The following DST variants were observed in gnomAD, a reference collection of about 807,000 sequenced individuals.
The protein encoded by DST is bullous pemphigoid antigen.
DST carries 253 observed loss-of-function variants against 875.2 expected under a neutral mutation model. The ratio of observed to expected loss-of-function variants is 0.29; its 90% confidence interval spans 0.26 to 0.32. DST has a LOEUF of 0.32. Ranked by LOEUF, DST falls within the 10% of genes least tolerant of loss-of-function variation. The probability of loss-of-function intolerance (pLI) is 1.00; values close to 1 mark genes in which losing one functional copy is unlikely to be tolerated. For synonymous variants in DST, 3,124 were observed against 3,197.1 expected, an observed-to-expected ratio of 0.98 and a Z score of 0.77; for missense variants, 8,287 against 9,111.6, an observed-to-expected ratio of 0.91 and a Z score of 3.68.
intron 4 of DST, among the ~76,000 whole-genome samples, chr6:56,839,129 C>G (rs1278337560): frequency 6.6e-6 from 1 of 152,158 alleles, no homozygotes; most frequent in Non-Finnish European, 1.5e-5. Context: ...GAACAGCTGT[C>G]CCCTGGAATG....
chr6:56,605,823 G>A lies in DST; in HGVS notation c.8805C>T (p.Gly2935=), dbSNP rs1431939343. 1 of 1,612,202 alleles carries A rather than the reference G, an allele frequency of 6.2e-7. No homozygotes were observed. ...IKDTESEKTF[G]PASISHDNNN... is the part of the protein sequence containing the mutation. ...TATTATCATGTGAAATACTTGCAGG[G>A]CCAAAAGTTTTTTCAGATTCAGTGT... The change falls in exon 40 of 104, where the codon GGC becomes GGT. Residue 2935 remains glycine (G), a synonymous_variant. Transcript: ENST00000680361.
chr6:56,729,556 G>A lies in DST; in HGVS notation c.687+5672C>T, dbSNP rs533110386. On this transcript the variant is annotated intron_variant, in intron 5 of 103. Coordinates refer to ENST00000680361, the MANE Select transcript of DST (RefSeq NM_001374736.1). The stretch of plus-strand genomic sequence containing the variant: ...GGGGAGGCAGAGGTTGCGGTGAGCC[G>A]AGATCGCACCATTGCACTCCAGCCT... 3.4e-5 allele frequency among the ~76,000 whole-genome samples: 5 copies of A among 148,660 alleles called. No individual in the cohort carries two copies. In the South Asian group the frequency reaches 6.4e-4, roughly 19 times the overall value.
In DST at chr6:56,886,916, AAAAT is replaced by A. The variant is rs1181934843; in HGVS notation, c.417+13501_417+13504del. Among the ~76,000 whole-genome samples the A allele has an allele frequency of 9.8e-5, 15 of 152,328 alleles. No homozygotes were observed. In the East Asian group the frequency reaches 2.7e-3, roughly 27 times the overall value. ...GAAACACAATCATCATCTCAGAACT[AAAAT>A]AAATAAATAAAGAGAGAGAGACAGA... On this transcript the variant is annotated intron_variant, in intron 3 of 103. Coordinates refer to ENST00000680361, the MANE Select transcript of DST (RefSeq NM_001374736.1).
chr6:56,703,125 C>T (rs1385178556), intron 7 of DST, among the ~76,000 whole-genome samples: 1 of 152,180 alleles, frequency 6.6e-6, no homozygotes, highest in Non-Finnish European at 1.5e-5. Context: ...ATTTTTAAAT[C>T]TCCCTTTTAA....
At chr6:56,692,646 T>C (rs1010334733) in intron 9 of DST, 2 of 1,289,704 alleles carry the variant, frequency 1.6e-6, no homozygotes, top group African/African-American at 3.0e-5. Flanking sequence ...CCTGGAATGT[T>C]ATTTCGCTTG....
intron 9 of DST, among the ~76,000 whole-genome samples, chr6:56,681,296 G>A (rs1563647846): frequency 2.0e-5 from 3 of 152,102 alleles, no homozygotes; most frequent in Non-Finnish European, 4.4e-5. Context: ...ACAGTCCTCT[G>A]CAGCCTCATC....
intron 69 of DST, among the ~76,000 whole-genome samples, chr6:56,519,680 A>T (rs1171063913): frequency 1.3e-5 from 2 of 152,156 alleles, no homozygotes; most frequent in East Asian, 3.9e-4. Context: ...ACTCCCACTC[A>T]GCAGAAATGA....
At chr6:56,784,162 T>C (rs1310976893) in intron 4 of DST, among the ~76,000 whole-genome samples, 11 of 152,236 alleles carry the variant, frequency 7.2e-5, no homozygotes, top group Admixed American at 5.2e-4. Flanking sequence ...TTAACATTTT[T>C]TCCTTCATTT....
At position 56,592,365 on chromosome 6, in the gene DST, A is replaced by G. The variant is rs1390647349; in HGVS notation, c.12727-7T>C. 2.5e-6 allele frequency: 4 copies of G among 1,578,994 alleles called. No homozygotes were observed. In the African/African-American group the frequency reaches 5.4e-5, roughly 21 times the overall value. ...TATTTCCAAGAACATTGCACTAACA[A>G]TCAAAAGAGAAAAGGGGTAGGAGAT... On this transcript the variant is annotated splice_region_variant and splice_polypyrimidine_tract_variant and intron_variant, in intron 48 of 103. Coordinates refer to ENST00000680361, the MANE Select transcript of DST (RefSeq NM_001374736.1).
chr6:56,549,093 G>C (rs188939219), intron 61 of DST, among the ~76,000 whole-genome samples: 2 of 152,134 alleles, frequency 1.3e-5, no homozygotes, highest in Non-Finnish European at 1.5e-5. Flanking sequence ...AAACAGAATC[G>C]GGGAAGTCTA....
In DST at chr6:56,813,357, A is replaced by C. The variant is rs964415941; in HGVS notation, c.625+38040T>G. Among the ~76,000 whole-genome samples, 248 of 151,520 alleles carry C rather than the reference A, an allele frequency of 1.6e-3. 2 individuals carry two copies. Among genetic ancestry groups the C allele is most frequent in the Non-Finnish European group, 4.6e-4 (31 of 67,896 alleles). On this transcript the variant is annotated intron_variant, in intron 4 of 103. Transcript: ENST00000680361. ...TATGTAACTAACCTGCACATTGTGC[A>C]CATGTACCCTAAAACTTAAAGTATA... is the stretch of plus-strand genomic sequence containing the variant.
At chr6:56,498,794 G>A (rs2096011260) in intron 80 of DST, among the ~76,000 whole-genome samples, 1 of 152,054 alleles carries the variant, frequency 6.6e-6, no homozygotes. Flanking sequence ...CTGCTAAGTT[G>A]AAATATTGGA....
intron 61 of DST, among the ~76,000 whole-genome samples, chr6:56,547,824 C>T (rs145847438): frequency 6.6e-6 from 1 of 152,312 alleles, no homozygotes; most frequent in Admixed American, 6.5e-5. Flanking sequence ...AATGCCTTCA[C>T]CTGGACCAGA....
chr6:56,835,040 G>A (rs980919710), intron 4 of DST, among the ~76,000 whole-genome samples: 5 of 152,202 alleles, frequency 3.3e-5, no homozygotes, highest in Non-Finnish European at 5.9e-5. Flanking sequence ...GCTATGAAAA[G>A]ACATGGAGGA....
chr6:56,511,628 T>C (rs1562472649), intron 72 of DST, among the ~76,000 whole-genome samples: 3 of 152,164 alleles, frequency 2.0e-5, no homozygotes, highest in African/African-American at 7.2e-5. Context: ...GGTACAAAGA[T>C]GCTGGTTCAG....
intron 5 of DST, among the ~76,000 whole-genome samples, chr6:56,712,366 C>T (rs1042530178): frequency 1.3e-5 from 2 of 152,104 alleles, no homozygotes; most frequent in Non-Finnish European, 2.9e-5. Flanking sequence ...CTTTTTCCTA[C>T]TCCTCCTACT....
rs60688419 is a variant in DST at position 56,542,428 on chromosome 6, TAAAAAAAAAA to T, written c.16609-5498_16609-5489del. ...AGCATGGTGTACTACTAAGCTTCTT[TAAAAAAAAAA>T]AAAAAAAAAAAAAAAAAGCCATTTC... On this transcript the variant is annotated intron_variant, in intron 61 of 103. Transcript: ENST00000680361. The T allele has an allele frequency of 1.3e-3, 91 of 68,088 alleles. 1 individual carries two copies. Among genetic ancestry groups the T allele is most frequent in the Admixed American group, 4.8e-3 (26 of 5,370 alleles). 4.2% of individuals were successfully genotyped at this position (68,088 alleles called of 1,614,324 possible).
intron 13 of DST, among the ~76,000 whole-genome samples, chr6:56,647,792 T>A (rs1346119294): frequency 6.6e-6 from 1 of 151,920 alleles, no homozygotes; most frequent in African/African-American, 2.4e-5. Flanking sequence ...TTCAAGCGAT[T>A]CTCCTGCCTC....
intron 54 of DST, among the ~76,000 whole-genome samples, chr6:56,569,515 T>C (rs752403268): frequency 6.6e-6 from 1 of 152,186 alleles, no homozygotes; most frequent in African/African-American, 2.4e-5. Context: ...TAGAGTAAAA[T>C]GCTGAGTGAA....
Sources: allele counts gnomAD v4.1 joint callset (sites outside exome capture counted in the v4.1 genomes callset), GRCh38; gene constraint gnomAD v4.1.1; transcripts MANE v1.5; gene names NCBI Gene and HGNC (gene_info 2026-07-23, HGNC 2026-07-21).